The following SLC24A2 variants were observed in gnomAD, a reference collection of about 807,000 sequenced individuals.
The protein encoded by SLC24A2 is sodium/potassium/calcium exchanger 2.
SLC24A2 carries 36 observed loss-of-function variants against 62.0 expected under a neutral mutation model. The ratio of observed to expected loss-of-function variants is 0.58; its 90% confidence interval spans 0.44 to 0.77. The LOEUF (loss-of-function observed/expected upper bound fraction) is 0.77, where lower values mean the gene tolerates loss of function less well. Ranked by LOEUF, SLC24A2 falls within the 30% of genes least tolerant of loss-of-function variation. The pLI, the probability that SLC24A2 is intolerant of heterozygous loss-of-function variation, is 0.00. For missense variants in SLC24A2, 846 were observed against 817.9 expected (o/e 1.03, Z -0.42); for synonymous variants, 358 against 294.0 (o/e 1.22, Z -2.23).
the SLC24A2 span, among the ~76,000 whole-genome samples, chr9:20,154,074 G>A: frequency 7.9e-5 from 12 of 151,776 alleles, no homozygotes; most frequent in African/African-American, 2.4e-4. Context: ...TTAGTCTAGT[G>A]TATATGGTTA....
chr9:20,031,769 T>C, the SLC24A2 span, among the ~76,000 whole-genome samples: 1 of 152,132 alleles, frequency 6.6e-6, no homozygotes, highest in Admixed American at 6.5e-5. Flanking sequence ...CTCTAGGATT[T>C]TGGCACTTGT....
chr9:20,012,671 T>C, the SLC24A2 span, among the ~76,000 whole-genome samples: 2 of 152,120 alleles, frequency 1.3e-5, no homozygotes, highest in African/African-American at 4.8e-5. Flanking sequence ...TGGAAACAAA[T>C]TCAGTAAACA....
chr9:20,200,869 G>A, the SLC24A2 span, among the ~76,000 whole-genome samples: 1 of 152,330 alleles, frequency 6.6e-6, no homozygotes, highest in South Asian at 2.1e-4. Flanking sequence ...CAGGTAATTG[G>A]TCAAGCTGTG....
At chr9:20,038,878 T>C in the SLC24A2 span, among the ~76,000 whole-genome samples, 1 of 152,200 alleles carries the variant, frequency 6.6e-6, no homozygotes, top group South Asian at 2.1e-4. Flanking sequence ...AGAAAAGTCT[T>C]AGAAAGAGAA....
At chr9:19,719,771 T>A (rs917407008) in intron 2 of SLC24A2, among the ~76,000 whole-genome samples, 3 of 152,262 alleles carry the variant, frequency 2.0e-5, no homozygotes, top group Non-Finnish European at 4.4e-5. Flanking sequence ...GAGAAGGTTT[T>A]TATCTCATGT....
At chr9:19,846,965 T>G in the SLC24A2 span, among the ~76,000 whole-genome samples, 1 of 152,132 alleles carries the variant, frequency 6.6e-6, no homozygotes, top group Non-Finnish European at 1.5e-5. Flanking sequence ...GAGGCTGCAG[T>G]AAGCTGTGAT....
chr9:19,820,044 TATATATATATAC>T, the SLC24A2 span, among the ~76,000 whole-genome samples: 4 of 38,520 alleles, frequency 1.0e-4, no homozygotes, highest in African/African-American at 2.3e-4. Context: ...TATATATACA[TATATATATATAC>T]ACATATATAT....
chr9:20,066,879 T>C, the SLC24A2 span, among the ~76,000 whole-genome samples: 2 of 152,196 alleles, frequency 1.3e-5, no homozygotes, highest in African/African-American at 2.4e-5. Flanking sequence ...TTCTGTTGAA[T>C]TGACCTCAAA....
chr9:19,642,671 CTTT>C (rs71335440), intron 2 of SLC24A2, among the ~76,000 whole-genome samples: 8,205 of 79,870 alleles, frequency 0.1, 1,607 homozygotes, highest in African/African-American at 0.22. Context: ...AGAGCGTATT[CTTT>C]TTTTTTTTTT....
intron 7 of SLC24A2, among the ~76,000 whole-genome samples, chr9:19,561,867 A>G (rs1835421107): frequency 6.6e-6 from 1 of 152,216 alleles, no homozygotes; most frequent in South Asian, 2.1e-4. Context: ...TAAACACAAC[A>G]TGAGAAGGTT....
the SLC24A2 span, among the ~76,000 whole-genome samples, chr9:20,204,805 A>G: frequency 2.7e-5 from 4 of 147,532 alleles, no homozygotes; most frequent in Non-Finnish European, 3.0e-5. Flanking sequence ...ATGCAGTGGC[A>G]TAATCTTGGC....
chr9:20,180,355 T>C, the SLC24A2 span, among the ~76,000 whole-genome samples: 3 of 152,180 alleles, frequency 2.0e-5, no homozygotes, highest in Admixed American at 1.3e-4. Context: ...GGATGTCTTA[T>C]TTAAATCTCA....
At chr9:19,668,107 G>C (rs1016788227) in intron 2 of SLC24A2, among the ~76,000 whole-genome samples, 1 of 152,094 alleles carries the variant, frequency 6.6e-6, no homozygotes, top group African/African-American at 2.4e-5. Flanking sequence ...TCAGGCCCTA[G>C]TGTGGACACA....
At chr9:19,645,717 C>CT (rs1818621778) in intron 2 of SLC24A2, among the ~76,000 whole-genome samples, 6 of 152,030 alleles carry the variant, frequency 3.9e-5, no homozygotes, top group Admixed American at 3.9e-4. Context: ...CACCCCACAC[C>CT]GCAATCTTGG....
chr9:20,064,980 G>C, the SLC24A2 span, among the ~76,000 whole-genome samples: 5 of 152,162 alleles, frequency 3.3e-5, no homozygotes, highest in Non-Finnish European at 1.5e-5. Context: ...TGAGTAGTGA[G>C]AACAAAATGT....
chr9:19,575,198 G>C (rs568757687), intron 6 of SLC24A2, among the ~76,000 whole-genome samples: 43 of 152,308 alleles, frequency 2.8e-4, no homozygotes, highest in African/African-American at 1.0e-3. Context: ...GTTTTTAGTA[G>C]TGACAGCGAT....
the SLC24A2 span, among the ~76,000 whole-genome samples, chr9:20,234,479 G>A: frequency 0.13 from 19,473 of 151,078 alleles, 1,289 homozygotes; most frequent in Middle Eastern, 0.19. Flanking sequence ...CATTCATTTC[G>A]TCTTCCATCG....
intron 2 of SLC24A2, among the ~76,000 whole-genome samples, chr9:19,636,389 C>CTT (rs1818352772): frequency 4.7e-5 from 1 of 21,100 alleles, no homozygotes; most frequent in Non-Finnish European, 1.0e-4. Flanking sequence ...CTTTCTTTCT[C>CTT]CCTCTCTCTC....
At chr9:19,848,895 T>A in the SLC24A2 span, among the ~76,000 whole-genome samples, 57 of 152,344 alleles carry the variant, frequency 3.7e-4, 1 homozygote, top group East Asian at 9.8e-3. Context: ...ATCTGAATTC[T>A]AACCAGCTGC....
Sources: allele counts gnomAD v4.1 joint callset (sites outside exome capture counted in the v4.1 genomes callset), GRCh38; gene constraint gnomAD v4.1.1; transcripts MANE v1.5; gene names NCBI Gene and HGNC (gene_info 2026-07-23, HGNC 2026-07-21).